MAD1L1: variants seen among roughly 807,000 people sequenced by gnomAD.
MAD1L1 encodes the protein mitotic spindle assembly checkpoint protein MAD1.
MAD1L1 carries 95 observed loss-of-function variants against 96.9 expected under a neutral mutation model. The ratio of observed to expected loss-of-function variants is 0.98; its 90% CI spans 0.83 to 1.16. The LOEUF is 1.16. MAD1L1 is among the 50% of genes most tolerant of loss of function. MAD1L1 has a pLI of 0.00. For missense variants in MAD1L1, 1,007 were observed against 954.4 expected (o/e 1.06, Z -0.73); for synonymous variants, 473 against 396.6 (o/e 1.19, Z -2.29).
At chr7:2,148,884 C>G (rs1789436690) in intron 11 of MAD1L1, among the ~76,000 whole-genome samples, 1 of 152,208 alleles carries the variant, frequency 6.6e-6, no homozygotes, top group Admixed American at 6.5e-5. Flanking sequence ...GACCCCACAA[C>G]AGGAGGCCAA....
At chr7:1,840,352 C>G (rs548340026) in intron 18 of MAD1L1, among the ~76,000 whole-genome samples, 2 of 152,216 alleles carry the variant, frequency 1.3e-5, no homozygotes, top group African/African-American at 4.8e-5. Flanking sequence ...CAGTGCGCCC[C>G]GGGGTATCTG....
At chr7:1,960,630 A>T (rs1057424741) in intron 15 of MAD1L1, among the ~76,000 whole-genome samples, 1 of 152,210 alleles carries the variant, frequency 6.6e-6, no homozygotes, top group African/African-American at 2.4e-5. Context: ...TGTGCTAATA[A>T]AAGAGCTGCA....
intron 11 of MAD1L1, among the ~76,000 whole-genome samples, chr7:2,074,329 G>T (rs577176867): frequency 6.6e-6 from 1 of 152,224 alleles, no homozygotes; most frequent in African/African-American, 2.4e-5. Context: ...AGGCGCCAAG[G>T]ACGCAGTGAC....
intron 17 of MAD1L1, among the ~76,000 whole-genome samples, chr7:1,898,905 C>A (rs1268626599): frequency 6.6e-6 from 1 of 152,204 alleles, no homozygotes; most frequent in Non-Finnish European, 1.5e-5. Flanking sequence ...ACCATCCATT[C>A]CCAGGTTGCC....
In MAD1L1 at chr7:1,985,354, G is replaced by A. The variant is rs531835706; in HGVS notation, c.1417-4813C>T. ...TCACCACAGGCTCCGCTGGTTCTCA[G>A]GCCTGCAGAGCGGACTGGGCACAGC... On this transcript the variant is annotated intron_variant, in intron 14 of 18. Transcript: ENST00000265854. Among the ~76,000 whole-genome samples the A allele has an allele frequency of 1.4e-4, 21 of 152,372 alleles. No individual in the cohort carries two copies. The East Asian group carries it at 3.9e-3, about 28-fold the overall frequency.
intron 17 of MAD1L1, among the ~76,000 whole-genome samples, chr7:1,904,217 T>G (rs1448480959): frequency 1.4e-5 from 2 of 147,628 alleles, no homozygotes; most frequent in African/African-American, 5.3e-5. Context: ...GAGCACGCAG[T>G]GGCCTATTGA....
At chr7:1,835,885 C>T (rs1015564677) in intron 18 of MAD1L1, among the ~76,000 whole-genome samples, 11 of 152,340 alleles carry the variant, frequency 7.2e-5, no homozygotes, top group African/African-American at 1.7e-4. Flanking sequence ...GTTCTTCCCC[C>T]TTTTAGACCA....
intron 10 of MAD1L1, among the ~76,000 whole-genome samples, chr7:2,170,513 C>G (rs1010791235): frequency 6.6e-6 from 1 of 152,172 alleles, no homozygotes; most frequent in Non-Finnish European, 1.5e-5. Flanking sequence ...CAGGCAATGG[C>G]AGGAGGCTTC....
At chr7:2,156,154 G>T (rs1409404028) in intron 10 of MAD1L1, among the ~76,000 whole-genome samples, 2 of 144,320 alleles carry the variant, frequency 1.4e-5, no homozygotes, top group East Asian at 4.1e-4. Context: ...CGGGTGTGGC[G>T]AGGGGAGCGG....
intron 17 of MAD1L1, among the ~76,000 whole-genome samples, chr7:1,906,980 T>G (rs1037765381): frequency 6.6e-6 from 1 of 152,146 alleles, no homozygotes; most frequent in African/African-American, 2.4e-5. Flanking sequence ...TGAAAAGCCC[T>G]TAAAATCAAG....
intron 15 of MAD1L1, among the ~76,000 whole-genome samples, chr7:1,962,652 T>C (rs1197072007): frequency 6.6e-6 from 1 of 152,132 alleles, no homozygotes; most frequent in Non-Finnish European, 1.5e-5. Flanking sequence ...AAACAGGTGC[T>C]TTACCAAAGA....
chr7:1,848,044 C>A (rs1294197217), intron 18 of MAD1L1: 3 of 335,744 alleles, frequency 8.9e-6, no homozygotes, highest in Non-Finnish European at 1.8e-5. Context: ...GGAGTCCCAG[C>A]GTGGGATGTG....
intron 18 of MAD1L1, among the ~76,000 whole-genome samples, chr7:1,866,135 T>C (rs1238584219): frequency 1.3e-5 from 2 of 151,934 alleles, no homozygotes; most frequent in East Asian, 3.9e-4. Flanking sequence ...GCAGGGCTGG[T>C]TGGTGGGAGG....
At chr7:2,222,082 T>C (rs1397191107) in intron 5 of MAD1L1, among the ~76,000 whole-genome samples, 1 of 152,026 alleles carries the variant, frequency 6.6e-6, no homozygotes, top group African/African-American at 2.4e-5. Flanking sequence ...TAACTTTTTT[T>C]TTTTTTTTTG....
At chr7:2,184,766 C>T (rs1039707223) in intron 10 of MAD1L1, among the ~76,000 whole-genome samples, 2 of 152,292 alleles carry the variant, frequency 1.3e-5, no homozygotes, top group Admixed American at 6.5e-5. Context: ...CTTTGGGAGG[C>T]TGAGGCAGGC....
At position 1,904,765 on chromosome 7, in the gene MAD1L1, G is replaced by A. The variant is rs10277909; in HGVS notation, c.1808-6375C>T. Among the ~76,000 whole-genome samples the A allele has an allele frequency of 4.8e-5, 6 of 124,022 alleles. 1 individual carries two copies. Among genetic ancestry groups the A allele is most frequent in the South Asian group, 5.9e-4 (2 of 3,366 alleles). The allele number at this position is 124,022 out of a possible 152,430, so 81.4% of individuals were successfully genotyped here. On this transcript the variant is annotated intron_variant, in intron 17 of 18. Transcript: ENST00000265854. ...AATCACTGTTCCAGGCAGCAAGCAC[G>A]CAGTGGCCTATTGAAGACGCTCCTG...
At chr7:2,165,717 G>C (rs1369769057) in intron 10 of MAD1L1, among the ~76,000 whole-genome samples, 1 of 137,666 alleles carries the variant, frequency 7.3e-6, no homozygotes, top group African/African-American at 2.7e-5. Context: ...GCTTTGCTAG[G>C]TGGCAGACTC....
chr7:2,166,725 CGT>C (rs1790447006), intron 10 of MAD1L1, among the ~76,000 whole-genome samples: 1 of 152,336 alleles, frequency 6.6e-6, no homozygotes, highest in African/African-American at 2.4e-5. Context: ...GCTGTGACAG[CGT>C]GTGTCCACTG....
chr7:2,232,432 C>G (rs1455827240), intron 1 of MAD1L1, among the ~76,000 whole-genome samples: 1 of 152,218 alleles, frequency 6.6e-6, no homozygotes, highest in African/African-American at 2.4e-5. Context: ...CGCGAGCCAC[C>G]AGGATGCCAA....
Sources: allele counts gnomAD v4.1 joint callset (sites outside exome capture counted in the v4.1 genomes callset), GRCh38; gene constraint gnomAD v4.1.1; transcripts MANE v1.5; gene names NCBI Gene and HGNC (gene_info 2026-07-23, HGNC 2026-07-21).